CACNG8: variants seen among roughly 807,000 people sequenced by gnomAD.
The protein encoded by CACNG8 is calcium voltage-gated channel auxiliary subunit gamma 8, also known as voltage-dependent calcium channel gamma-8 subunit.
CACNG8 carries 5 observed loss-of-function variants against 26.9 expected under a neutral mutation model. The ratio of observed to expected loss-of-function variants is 0.19; its 90% CI spans 0.10 to 0.39. The LOEUF (loss-of-function observed/expected upper bound fraction) is 0.39, where lower values mean the gene tolerates loss of function less well. Ranked by LOEUF, CACNG8 falls within the 10% of genes least tolerant of loss-of-function variation. The probability of loss-of-function intolerance (pLI) is 1.00; values close to 1 mark genes in which losing one functional copy is unlikely to be tolerated. For synonymous variants in CACNG8, 321 were observed against 296.7 expected, an observed-to-expected ratio of 1.08 and a Z score of -0.84; for missense variants, 473 against 609.4, an observed-to-expected ratio of 0.78 and a Z score of 2.36.
rs1299536819 is a variant in CACNG8 at position 53,983,459 on chromosome 19, C to G, written c.*610C>G. The G allele has an allele frequency of 6.6e-6, 1 of 152,200 alleles. No homozygotes were observed. 9.4% of individuals were successfully genotyped at this position (152,200 alleles called of 1,614,324 possible). A position where few individuals can be genotyped will look rare whatever the true frequency, so the allele number is the denominator to read the frequency against. On this transcript the variant is annotated 3_prime_UTR_variant, in exon 4 of 4. Transcript: ENST00000270458. ...ACGAACGAGGCACAGAAAGGGCCTTCTCATTCATTCATTCATTACCGGCAA... is the reference window on the plus strand; with the variant it reads ...ACGAACGAGGCACAGAAAGGGCCTTGTCATTCATTCATTCATTACCGGCAA...
rs1382119382 is a variant in CACNG8, at chr19:53,985,288, G to T, written c.*2439G>T. 1 of 152,018 alleles carries T rather than the reference G, an allele frequency of 6.6e-6. No homozygotes were observed. The highest frequency in any genetic ancestry group is 6.6e-5 in the Admixed American group (1 of 15,248). The allele number at this position is 152,018 out of a possible 1,614,324, so 9.4% of individuals were successfully genotyped here. A position where few individuals can be genotyped will look rare whatever the true frequency, so the allele number is the denominator to read the frequency against. Reference sequence around the variant, plus strand: ...GCTTGAGGAGGACGTGGCAGCGGTGGTGCCATGCTGCCAGGGGCTCTGCGT... The same window carrying T: ...GCTTGAGGAGGACGTGGCAGCGGTGTTGCCATGCTGCCAGGGGCTCTGCGT... On this transcript the variant is annotated 3_prime_UTR_variant, in exon 4 of 4. Coordinates refer to ENST00000270458, the MANE Select transcript of CACNG8 (RefSeq NM_031895.6).
rs2069423044 is a variant in CACNG8 at position 53,988,855 on chromosome 19, G to A, written c.*6006G>A. On this transcript the variant is annotated 3_prime_UTR_variant, in exon 4 of 4. Coordinates refer to ENST00000270458, the MANE Select transcript of CACNG8 (RefSeq NM_031895.6). ...TGCCCAGCTCCTGTCTCTTGCTGCT[G>A]TCAGCGCCGGGCACACTCTGGGATT... The A allele has an allele frequency of 6.6e-6, 1 of 152,310 alleles. No homozygotes were observed. Among genetic ancestry groups the A allele is most frequent in the Admixed American group, 6.5e-5 (1 of 15,292 alleles). 9.4% of individuals were successfully genotyped at this position (152,310 alleles called of 1,614,324 possible). A position where few individuals can be genotyped will look rare whatever the true frequency, so the allele number is the denominator to read the frequency against.
In CACNG8 at chr19:53,982,805, G is replaced by T; in HGVS notation, c.1234G>T (p.Ala412Ser). Reference sequence around the variant, plus strand: ...CGGGACCCTGGCCAAGGAGGCCGCCGCCTCCAACACCAACACGCTCAACAG... The same window carrying T: ...CGGGACCCTGGCCAAGGAGGCCGCCTCCTCCAACACCAACACGCTCAACAG... Residue 412 changes from alanine to serine, a missense_variant, in exon 4 of 4, where the codon GCC (alanine) becomes TCC (serine). Coordinates refer to ENST00000270458, the MANE Select transcript of CACNG8 (RefSeq NM_031895.6). The surrounding 1 kb of genome is among the most constrained non-coding windows in gnomAD (Gnocchi z 8.4). 7.3e-7 allele frequency: 1 copy of T among 1,369,854 alleles called. No homozygotes were observed. The highest frequency in any genetic ancestry group is 9.5e-7 in the Non-Finnish European group (1 of 1,055,008). The allele number at this position is 1,369,854 out of a possible 1,614,324, so 84.9% of individuals were successfully genotyped here.
In CACNG8 at chr19:53,987,804, T is replaced by C. The variant is rs1218889961; in HGVS notation, c.*4955T>C. ...GTGGTATCAAATAGCCAGTTGGATA[T>C]GTGAGACTGGAGTTTGGGGGAAAGA... is the stretch of plus-strand genomic sequence containing the variant. On this transcript the variant is annotated 3_prime_UTR_variant, in exon 4 of 4. Coordinates refer to ENST00000270458, the MANE Select transcript of CACNG8 (RefSeq NM_031895.6). 2 of 151,988 alleles carry C rather than the reference T, an allele frequency of 1.3e-5. No individual in the cohort carries two copies. The highest frequency in any genetic ancestry group is 2.4e-5 in the African/African-American group (1 of 41,368). 9.4% of individuals were successfully genotyped at this position (151,988 alleles called of 1,614,324 possible). A position where few individuals can be genotyped will look rare whatever the true frequency, so the allele number is the denominator to read the frequency against.
chr19:53,968,761 T>A (rs1242918449), intron 1 of CACNG8, among the ~76,000 whole-genome samples: 1 of 104,934 alleles, frequency 9.5e-6, no homozygotes, highest in Admixed American at 1.2e-4. Flanking sequence ...AGAGTGAGAC[T>A]CTATCTCAAA....
In CACNG8 at chr19:53,982,010, G is replaced by C. The variant is rs1446782074; in HGVS notation, c.509-70G>C. On this transcript the variant is annotated intron_variant, in intron 3 of 3. Transcript: ENST00000270458. The surrounding 1 kb of genome is among the most constrained non-coding windows in gnomAD (Gnocchi z 8.4). ...TGGGCCCGCTGGCGCAGGCGGGCAG[G>C]GGTCGGGGCCGGGGGCGGGGGCGGG... The C allele has an allele frequency of 4.1e-6, 6 of 1,468,952 alleles. No individual in the cohort carries two copies. In the Admixed American group the frequency reaches 1.1e-4, roughly 28 times the overall value. 91.0% of individuals were successfully genotyped at this position (1,468,952 alleles called of 1,614,324 possible).
rs1391457809 is a variant in CACNG8 at position 53,970,854 on chromosome 19, C to G, written c.284-7292C>G. ...GGCTGAGGTAGAAGGATTGCTTGAG[C>G]CCAGAAGGTCGAGGCTGCAGTGAGC... On this transcript the variant is annotated intron_variant, in intron 1 of 3. Coordinates refer to ENST00000270458, the MANE Select transcript of CACNG8 (RefSeq NM_031895.6). Among the ~76,000 whole-genome samples the G allele has an allele frequency of 6.0e-5, 9 of 151,186 alleles. No homozygotes were observed. The South Asian group carries it at 1.9e-3, about 32-fold the overall frequency.
At chr19:53,979,729 A>C in intron 2 of CACNG8, 138 bp from the exon 3 acceptor site, 1 of 870,322 alleles carries the variant, frequency 1.1e-6, no homozygotes, top group Non-Finnish European at 1.6e-6. Context: ...CAGTAAAATA[A>C]ACCAGAACAC....
chr19:53,979,684 G>C (rs2069352399), intron 2 of CACNG8, among the ~76,000 whole-genome samples, 183 bp from the exon 3 acceptor site: 1 of 152,138 alleles, frequency 6.6e-6, no homozygotes, highest in African/African-American at 2.4e-5. Context: ...CCGAGAAATA[G>C]AGAAATTTTA....
In CACNG8 at chr19:53,982,547, GGCGGCGGCGGCGGCGGCGCC is replaced by G; in HGVS notation, c.978_997del (p.Gly329ValfsTer161). ...CGTGGCCGCGGGGCTGGCGGGGGCC[GGCGGCGGCGGCGGCGGCGCC>G]GTGGGGGCGTTCGGCGGCGCGGCCG... On this transcript the variant is annotated frameshift_variant, in exon 4 of 4. Transcript: ENST00000270458. LOFTEE classifies it high-confidence loss of function. This position sits in a 1 kb window ranked among gnomAD's most constrained non-coding sequence, Gnocchi z 8.4. The G allele has an allele frequency of 8.8e-7, 1 of 1,135,020 alleles. No individual in the cohort carries two copies. The allele number at this position is 1,135,020 out of a possible 1,614,324, so 70.3% of individuals were successfully genotyped here.
chr19:53,968,768 C>CAAA (rs34461203), intron 1 of CACNG8, among the ~76,000 whole-genome samples: 1,750 of 50,122 alleles, frequency 0.035, 178 homozygotes, highest in African/African-American at 0.13. Flanking sequence ...GACTCTATCT[C>CAAA]AAAAAAAAAA....
At chr19:53,973,672 C>G (rs111847356) in intron 1 of CACNG8, among the ~76,000 whole-genome samples, 3 of 151,830 alleles carry the variant, frequency 2.0e-5, no homozygotes, top group African/African-American at 7.3e-5. Flanking sequence ...ACTAAAAATA[C>G]AAAAATTAGC....
chr19:53,964,694 T>TGGAGGAGTTG (rs2069262581), intron 1 of CACNG8, among the ~76,000 whole-genome samples: 1 of 152,138 alleles, frequency 6.6e-6, no homozygotes, highest in African/African-American at 2.4e-5. Context: ...TCCTGCCCTC[T>TGGAGGAGTTG]GCTGTGCCAA....
chr19:53,981,831 G>C (rs1005716623), intron 3 of CACNG8, among the ~76,000 whole-genome samples: 3 of 152,176 alleles, frequency 2.0e-5, no homozygotes, highest in Non-Finnish European at 2.9e-5. Flanking sequence ...AGAGTGGGCC[G>C]GAGCCCTCTG....
chr19:53,979,395 T>TAG lies in CACNG8; in HGVS notation c.368-460_368-459dup, dbSNP rs376271634. Among the ~76,000 whole-genome samples the TAG allele has an allele frequency of 1.2e-4, 18 of 148,178 alleles. 1 individual carries two copies. The highest frequency in any genetic ancestry group is 6.9e-3 in the Middle Eastern group (2 of 288). On this transcript the variant is annotated intron_variant, in intron 2 of 3. Transcript: ENST00000270458. ...GAGGAGGAGGAGGAAGGAAGGAATGTAGAGAGAGAGAGAAACCCAGATAGA... is the reference window on the plus strand; with the variant it reads ...GAGGAGGAGGAGGAAGGAAGGAATGTAGAGAGAGAGAGAGAAACCCAGATAGA...
At chr19:53,974,479 G>T (rs1008375799) in intron 1 of CACNG8, among the ~76,000 whole-genome samples, 1 of 152,086 alleles carries the variant, frequency 6.6e-6, no homozygotes, top group Non-Finnish European at 1.5e-5. Context: ...CACCAGTACT[G>T]GCATTGCTGG....
chr19:53,979,650 G>A (rs1322839933), intron 2 of CACNG8, among the ~76,000 whole-genome samples: 2 of 152,104 alleles, frequency 1.3e-5, no homozygotes. Flanking sequence ...AAAGGACAAA[G>A]AAAAAGAGGG....
At chr19:53,974,702 CAT>C (rs1440059190) in intron 1 of CACNG8, among the ~76,000 whole-genome samples, 10 of 151,948 alleles carry the variant, frequency 6.6e-5, no homozygotes, top group African/African-American at 4.8e-5. Context: ...AGTGCAGTGG[CAT>C]GATCTTGGCT....
chr19:53,979,214 G>GGT (rs376003595), intron 2 of CACNG8, among the ~76,000 whole-genome samples: 4 of 138,734 alleles, frequency 2.9e-5, no homozygotes, highest in African/African-American at 5.2e-5. Context: ...GGTGGGGGGG[G>GGT]ACCTATGAAG....
Sources: gnomAD v4.1 joint callset for allele counts (sites outside exome capture counted in the v4.1 genomes callset) on GRCh38, gnomAD v4.1.1 for gene constraint, Gnocchi (gnomAD v3.1) non-coding constraint, MANE v1.5 for transcripts, NCBI Gene and HGNC (gene_info 2026-07-23, HGNC 2026-07-21) for gene names.